KCNJ6: variants seen among roughly 807,000 people sequenced by gnomAD.
KCNJ6 encodes the protein G protein-activated inward rectifier potassium channel 2.
A neutral mutation model predicts 34.2 loss-of-function variants in KCNJ6; 9 were observed. The observed-to-expected ratio is 0.26, with a 90% CI of 0.16 to 0.46. The LOEUF (loss-of-function observed/expected upper bound fraction) is 0.46, where lower values mean the gene tolerates loss of function less well. Ranked by LOEUF, KCNJ6 falls within the 20% of genes least tolerant of loss-of-function variation. The pLI, the probability that KCNJ6 is intolerant of heterozygous loss-of-function variation, is 1.00. For missense variants in KCNJ6, 236 were observed against 531.3 expected, an observed-to-expected ratio of 0.44 and a Z score of 5.46; for synonymous variants, 196 against 207.1, an observed-to-expected ratio of 0.95 and a Z score of 0.46.
intron 1 of KCNJ6, among the ~76,000 whole-genome samples, chr21:37,901,715 T>C (rs2055817707): frequency 6.6e-6 from 1 of 152,210 alleles, no homozygotes; most frequent in Non-Finnish European, 1.5e-5. Context: ...CTGGACACAG[T>C]TCAGTCTTTG....
At chr21:37,907,858 C>A (rs1221791971) in intron 1 of KCNJ6, among the ~76,000 whole-genome samples, 1 of 152,198 alleles carries the variant, frequency 6.6e-6, no homozygotes, top group Non-Finnish European at 1.5e-5. Context: ...TGCCTATTCC[C>A]TTCTGCACAT....
Position 37,795,601 on chromosome 21 carries a change from C to T in KCNJ6, c.25+45057G>A, listed in dbSNP as rs529009527. ...CTCTACTAAAAATACAAAAATTAGC[C>T]GGGCATGGTGGTGGGTGCCTGTAAT... On this transcript the variant is annotated intron_variant, in intron 2 of 3. Coordinates refer to ENST00000609713, the MANE Select transcript of KCNJ6 (RefSeq NM_002240.5). 3.1e-3 allele frequency among the ~76,000 whole-genome samples: 466 copies of T among 151,872 alleles called. 1 individual carries two copies. Among genetic ancestry groups the T allele is most frequent in the African/African-American group, 0.01 (431 of 41,436 alleles).
At chr21:37,646,552 G>A (rs1316586759) in intron 3 of KCNJ6, among the ~76,000 whole-genome samples, 2 of 152,226 alleles carry the variant, frequency 1.3e-5, no homozygotes, top group African/African-American at 2.4e-5. Context: ...TCTAGGGAGG[G>A]TTGGCATGTT....
chr21:37,680,755 G>A (rs2054587116), intron 3 of KCNJ6, among the ~76,000 whole-genome samples: 1 of 152,082 alleles, frequency 6.6e-6, no homozygotes, highest in Non-Finnish European at 1.5e-5. Flanking sequence ...GCAGGTCTTG[G>A]GAATTCTGAG....
chr21:37,654,385 C>T (rs1281908023), intron 3 of KCNJ6, among the ~76,000 whole-genome samples: 1 of 150,272 alleles, frequency 6.7e-6, no homozygotes, highest in Non-Finnish European at 1.5e-5. Context: ...CTTCTTGATT[C>T]GACATCTCTC....
chr21:37,737,989 C>G (rs918269424), intron 2 of KCNJ6, among the ~76,000 whole-genome samples: 1 of 152,168 alleles, frequency 6.6e-6, no homozygotes, highest in African/African-American at 2.4e-5. Context: ...CTGGCCAGCT[C>G]TCCAGGAAGC....
chr21:37,870,532 A>G (rs995395274), intron 1 of KCNJ6, among the ~76,000 whole-genome samples: 1 of 152,160 alleles, frequency 6.6e-6, no homozygotes, highest in Non-Finnish European at 1.5e-5. Context: ...CAGCACTGTT[A>G]GAATAATTCT....
chr21:37,643,452 T>A (rs2835855), intron 3 of KCNJ6, among the ~76,000 whole-genome samples: 40,509 of 152,008 alleles, frequency 0.27, 5,778 homozygotes, highest in South Asian at 0.31. Flanking sequence ...AACTCACTGG[T>A]CTGGCCCTGC....
chr21:37,834,953 C>T (rs184431434), intron 2 of KCNJ6, among the ~76,000 whole-genome samples: 13 of 152,348 alleles, frequency 8.5e-5, no homozygotes, highest in African/African-American at 1.9e-4. Flanking sequence ...AGTACCTCTT[C>T]TCTGCTCCAT....
chr21:37,728,562 A>G (rs1247448244), intron 2 of KCNJ6, among the ~76,000 whole-genome samples: 1 of 152,228 alleles, frequency 6.6e-6, no homozygotes, highest in Non-Finnish European at 1.5e-5. Flanking sequence ...GGAAGAGCTT[A>G]CAAAGAGCTA....
At chr21:37,779,210 C>T (rs1397496411) in intron 2 of KCNJ6, among the ~76,000 whole-genome samples, 1 of 152,078 alleles carries the variant, frequency 6.6e-6, no homozygotes, top group East Asian at 1.9e-4. Flanking sequence ...TCATTTAATC[C>T]TTGTAACTAG....
At chr21:37,692,566 T>C (rs887784144) in intron 3 of KCNJ6, among the ~76,000 whole-genome samples, 13 of 152,230 alleles carry the variant, frequency 8.5e-5, no homozygotes, top group Non-Finnish European at 8.8e-5. Flanking sequence ...TGATTAGACA[T>C]GTGCTGGCCT....
intron 2 of KCNJ6, 81 bp from the exon 3 acceptor site, chr21:37,715,212 G>T: frequency 8.1e-7 from 1 of 1,233,578 alleles, no homozygotes; most frequent in Non-Finnish European, 1.1e-6. Flanking sequence ...ACTTTGTATG[G>T]GCTGGTGAAA....
intron 1 of KCNJ6, among the ~76,000 whole-genome samples, chr21:37,888,049 C>T (rs1434169004): frequency 1.3e-5 from 2 of 152,068 alleles, no homozygotes; most frequent in African/African-American, 4.8e-5. Context: ...TGCCATGGGA[C>T]TCCTGGTCAC....
chr21:37,705,201 C>A (rs148169484), intron 3 of KCNJ6, among the ~76,000 whole-genome samples: 1 of 152,266 alleles, frequency 6.6e-6, no homozygotes, highest in East Asian at 1.9e-4. Context: ...TATCTTGGAG[C>A]TCCTCAAACA....
At chr21:37,762,400 G>A (rs935577220) in intron 2 of KCNJ6, among the ~76,000 whole-genome samples, 2 of 152,108 alleles carry the variant, frequency 1.3e-5, no homozygotes, top group African/African-American at 2.4e-5. Context: ...CTTCCTGCTC[G>A]TCATTAGAAA....
At position 37,642,292 on chromosome 21, in the gene KCNJ6, G is replaced by A. The variant is rs540445264; in HGVS notation, c.947-16808C>T. Among the ~76,000 whole-genome samples the A allele has an allele frequency of 3.3e-5, 5 of 152,236 alleles. No homozygotes were observed. The East Asian group carries it at 9.7e-4, about 29-fold the overall frequency. On this transcript the variant is annotated intron_variant, in intron 3 of 3. Coordinates refer to ENST00000609713, the MANE Select transcript of KCNJ6 (RefSeq NM_002240.5). ...CAAAGCCTGTGAAAACGTAACATCT[G>A]ATGGGCAGGAGAAGGGGGATGAGCC...
At chr21:37,839,329 C>T (rs1359540838) in intron 2 of KCNJ6, among the ~76,000 whole-genome samples, 1 of 152,096 alleles carries the variant, frequency 6.6e-6, no homozygotes, top group Non-Finnish European at 1.5e-5. Flanking sequence ...TTTCTTTACC[C>T]AGTCCTTTCA....
intron 3 of KCNJ6, among the ~76,000 whole-genome samples, chr21:37,668,722 C>T (rs1269668635): frequency 6.6e-6 from 1 of 152,194 alleles, no homozygotes; most frequent in Non-Finnish European, 1.5e-5. Context: ...AGCTTCTCCA[C>T]TTTCTTACTC....
Sources: allele counts gnomAD v4.1 joint callset (sites outside exome capture counted in the v4.1 genomes callset), GRCh38; gene constraint gnomAD v4.1.1; transcripts MANE v1.5; gene names NCBI Gene and HGNC (gene_info 2026-07-23, HGNC 2026-07-21).